VWF: variants seen among roughly 807,000 people sequenced by gnomAD.
VWF encodes the protein Factor VIII related antigen.
VWF carries 176 observed loss-of-function variants against 308.6 expected under a neutral mutation model. That is an observed-to-expected ratio of 0.57 (90% confidence interval 0.50 to 0.65). VWF has a LOEUF of 0.65. VWF is among the 30% of genes least tolerant of loss of function. The pLI, the probability that VWF is intolerant of heterozygous loss-of-function variation, is 0.00. For missense variants in VWF, 3,146 were observed against 3,648.2 expected (o/e 0.86, Z 3.55); for synonymous variants, 1,385 against 1,443.4 (o/e 0.96, Z 0.92).
chr12:6,019,226 C>T lies in VWF; in HGVS notation c.4192G>A (p.Val1398Ile), dbSNP rs1249080969. The change falls in exon 28 of 52, where the codon GTC becomes ATC. Residue 1398 changes from valine (V) to isoleucine (I), a missense_variant. Physicochemically the swap from Val to Ile is conservative, Grantham distance 29. This residue lies in a region of VWF where 853 missense variants were observed against 1,177.8 expected (regional missense o/e 0.72). Transcript: ENST00000261405. This position sits in a 1 kb window ranked among gnomAD's most constrained non-coding sequence, Gnocchi z 5.8. Reference protein sequence around the residue: ...QEPQRMSRNFVRYVQGLKKKK... With the variant: ...QEPQRMSRNFIRYVQGLKKKK... ...TTCTTCAGGCCCTGGACGTAGCGGA[C>T]AAAGTTCCGGGACATCCGTTGGGGC... 6.2e-7 allele frequency: 1 copy of T among 1,613,784 alleles called. No individual in the cohort carries two copies. Among genetic ancestry groups the T allele is most frequent in the Non-Finnish European group, 8.5e-7 (1 of 1,179,866 alleles).
Position 6,034,830 on chromosome 12 carries a change from G to A in VWF, c.2547-4C>T. On this transcript the variant is annotated splice_polypyrimidine_tract_variant and splice_region_variant and intron_variant, in intron 19 of 51. Coordinates refer to ENST00000261405, the MANE Select transcript of VWF (RefSeq NM_000552.5). ...CCACTTCCGGTCCTGACAGACACTA[G>A]GAGCAGTCATGGCAGAGATGACAAG... The A allele has an allele frequency of 2.5e-6, 4 of 1,614,074 alleles. No homozygotes were observed. Among genetic ancestry groups the A allele is most frequent in the Non-Finnish European group, 3.4e-6 (4 of 1,179,906 alleles).
In VWF at chr12:6,095,342, A is replaced by G. The variant is rs1389173840; in HGVS notation, c.657+118T>C. The stretch of plus-strand genomic sequence containing the variant: ...CTAGCCACAGTTAGTTTTGGAGGAA[A>G]TGGCCCTGCGTAAGTCCATTCCTCC... On this transcript the variant is annotated intron_variant, in intron 6 of 51. Transcript: ENST00000261405. 4 of 1,494,920 alleles carry G rather than the reference A, an allele frequency of 2.7e-6. No homozygotes were observed. The South Asian group carries it at 3.4e-5, about 13-fold the overall frequency. 92.6% of individuals were successfully genotyped at this position (1,494,920 alleles called of 1,614,324 possible).
chr12:6,011,866 CA>C (rs1247361284), intron 33 of VWF, 72 bp from the exon 34 acceptor site: 1 of 1,432,160 alleles, frequency 7.0e-7, no homozygotes, highest in Non-Finnish European at 9.8e-7. Context: ...ATCTGCCAGA[CA>C]ACTGACCCCT....
chr12:5,953,142 G>A (rs960614886), intron 48 of VWF, among the ~76,000 whole-genome samples: 2 of 152,140 alleles, frequency 1.3e-5, no homozygotes, highest in South Asian at 2.1e-4. Flanking sequence ...CAGGGAAATC[G>A]CTTGAACCCA....
rs776268929 is a variant in VWF at position 6,021,955 on chromosome 12, C to A, written c.3619G>T (p.Ala1207Ser). ...PVCEVAGRRFASGKKVTLNPS... is the reference protein window; with the variant it reads ...PVCEVAGRRFSSGKKVTLNPS... ...TTCAAGGTGACTTTCTTTCCTGAGG[C>A]AAAACGCCGGCCAGCCACCTCACAC... The change falls in exon 27 of 52, where the codon GCC (alanine) becomes TCC (serine). Residue 1207 changes from alanine (A) to serine (S), a missense_variant. Transcript: ENST00000261405. The A allele has an allele frequency of 2.0e-5, 33 of 1,614,060 alleles. No homozygotes were observed. Among genetic ancestry groups the A allele is most frequent in the Middle Eastern group, 3.3e-4 (2 of 6,084 alleles).
intron 47 of VWF, among the ~76,000 whole-genome samples, chr12:5,954,405 G>A (rs1443086056): frequency 6.6e-6 from 1 of 152,138 alleles, no homozygotes; most frequent in Admixed American, 6.5e-5. Context: ...ACTGGAAGAA[G>A]ACCAAAATCA....
intron 5 of VWF, among the ~76,000 whole-genome samples, chr12:6,107,388 G>C (rs1475723530): frequency 1.3e-5 from 2 of 152,132 alleles, no homozygotes; most frequent in Non-Finnish European, 2.9e-5. Flanking sequence ...TATGTGAAAG[G>C]GTGAATTTTA....
At position 6,046,225 on chromosome 12, in the gene VWF, A is replaced by C. The variant is rs1269164083; in HGVS notation, c.2281+498T>G. ...GGTGACAGAGTGAGACTCTCAAAAA[A>C]AAAAGACAGTGCAGCCACCGTTAGG... On this transcript the variant is annotated intron_variant, in intron 17 of 51. Transcript: ENST00000261405. This position sits in a 1 kb window ranked among gnomAD's most constrained non-coding sequence, Gnocchi z 5.0. Among the ~76,000 whole-genome samples the C allele has an allele frequency of 1.3e-5, 2 of 152,154 alleles. No individual in the cohort carries two copies. The highest frequency in any genetic ancestry group is 2.9e-5 in the Non-Finnish European group (2 of 68,008).
intron 18 of VWF, among the ~76,000 whole-genome samples, chr12:6,042,949 T>G (rs1469316276): frequency 6.6e-6 from 1 of 152,218 alleles, no homozygotes; most frequent in African/African-American, 2.4e-5. Context: ...TGAGACACTC[T>G]ACCTAAGAGG....
intron 26 of VWF, 68 bp from the exon 27 acceptor site, chr12:6,022,103 C>A (rs1392542859): frequency 1.1e-5 from 18 of 1,610,432 alleles, no homozygotes; most frequent in Admixed American, 6.7e-5. Context: ...TCATTTTTAA[C>A]TAAAAGGGAG....
chr12:5,949,202 C>T lies in VWF; in HGVS notation c.8255G>A (p.Gly2752Asp). ...GTACATGGCTTTGCTGGCACATTTG[C>T]CCTGCAAGAAAGCAGAGGAAGATGG... ...EVEVDIHYCQGKCASKAMYSI... is the reference protein window; with the variant it reads ...EVEVDIHYCQDKCASKAMYSI... Residue 2752 changes from glycine (G) to aspartate (D), a missense_variant and splice_region_variant, in exon 52 of 52, where the codon GGC becomes GAC. Transcript: ENST00000261405. 6.2e-7 allele frequency: 1 copy of T among 1,613,714 alleles called. No homozygotes were observed. Among genetic ancestry groups the T allele is most frequent in the Non-Finnish European group, 8.5e-7 (1 of 1,179,992 alleles).
intron 10 of VWF, among the ~76,000 whole-genome samples, chr12:6,068,438 T>A (rs1194374401): frequency 6.6e-6 from 1 of 151,878 alleles, no homozygotes; most frequent in African/African-American, 2.4e-5. Flanking sequence ...CACCAAAGCC[T>A]GCAACATAAT....
In VWF at chr12:5,996,157, C is replaced by T; in HGVS notation, c.5908G>A (p.Gly1970Ser). ...TFDGQNFKLT[G>S]SCSYVLFQNK... ...TGAAATAGGACATAAGAACAGCTGC[C>T]AGTCAGCTTGAAATTCTGCCCATCA... Residue 1970 changes from glycine (G) to serine (S), a missense_variant, in exon 35 of 52, where the codon GGC becomes AGC. Gly to Ser is a moderately conservative substitution (Grantham distance 56). This residue lies in a region of VWF where 989 missense variants were observed against 1,117.4 expected (regional missense o/e 0.89). Coordinates refer to ENST00000261405, the MANE Select transcript of VWF (RefSeq NM_000552.5). 1 of 1,614,054 alleles carries T rather than the reference C, an allele frequency of 6.2e-7. No homozygotes were observed. The highest frequency in any genetic ancestry group is 8.5e-7 in the Non-Finnish European group (1 of 1,180,026).
In VWF at chr12:6,036,394, T is replaced by C. The variant is rs748704250; in HGVS notation, c.2540A>G (p.Asn847Ser). Residue 847 changes from asparagine to serine, a missense_variant, in exon 19 of 52, where the codon AAC becomes AGC. Physicochemically the swap from Asn to Ser is conservative, Grantham distance 46 (BLOSUM62 1). Coordinates refer to ENST00000261405, the MANE Select transcript of VWF (RefSeq NM_000552.5). ...APGETVKIGCNTCVCQDRKWN... is the reference protein window; with the variant it reads ...APGETVKIGCSTCVCQDRKWN... ...GCCCCTCACTGAGCCTCACCAAGTG[T>C]TGCAGCCAATCTTCACTGTTTCTCC... 1.9e-5 allele frequency: 31 copies of C among 1,614,144 alleles called. No homozygotes were observed. In the East Asian group the frequency reaches 6.7e-4, roughly 35 times the overall value.
chr12:6,008,550 A>G (rs991582986), intron 34 of VWF, among the ~76,000 whole-genome samples: 2 of 152,184 alleles, frequency 1.3e-5, no homozygotes, highest in Non-Finnish European at 2.9e-5. Context: ...TAATGAAAAT[A>G]CCACAGCTAA....
intron 11 of VWF, 114 bp from the exon 12 acceptor site, chr12:6,064,498 A>C: frequency 2.0e-6 from 3 of 1,464,384 alleles, no homozygotes; most frequent in Non-Finnish European, 1.9e-6. Flanking sequence ...TGGCCTTCTC[A>C]TAACCTACAA....
intron 5 of VWF, among the ~76,000 whole-genome samples, chr12:6,105,880 C>CA (rs534133042): frequency 0.029 from 3,973 of 139,280 alleles, 156 homozygotes; most frequent in African/African-American, 0.093. Flanking sequence ...ACTAAAAATA[C>CA]AAAAAAAAAA....
intron 6 of VWF, among the ~76,000 whole-genome samples, chr12:6,082,555 C>G (rs1944925158): frequency 6.6e-6 from 1 of 152,208 alleles, no homozygotes; most frequent in African/African-American, 2.4e-5. Flanking sequence ...GAACTGTAAC[C>G]TAACTGGAGA....
chr12:6,072,376 T>G lies in VWF; in HGVS notation c.1064A>C (p.Lys355Thr), dbSNP rs1370050087. The change falls in exon 9 of 52, where the codon AAG (lysine) becomes ACG (threonine). Residue 355 changes from lysine (K) to threonine (T), a missense_variant. Physicochemically the swap from Lys to Thr is moderately conservative, Grantham distance 78 (BLOSUM62 -1). Coordinates refer to ENST00000261405, the MANE Select transcript of VWF (RefSeq NM_000552.5). The part of the protein sequence containing the change: ...STECPCVHSG[K>T]RYPPGTSLSR... ...GAGGGAGGTGCCGGGAGGGTAGCGC[T>G]TTCCGGAATGCACGCAGGGACACTC... The G allele has an allele frequency of 6.2e-7, 1 of 1,613,992 alleles. No homozygotes were observed. The highest frequency in any genetic ancestry group is 1.3e-5 in the African/African-American group (1 of 74,896).
Sources: allele counts gnomAD v4.1 joint callset (sites outside exome capture counted in the v4.1 genomes callset), GRCh38; gene constraint gnomAD v4.1.1; regional missense constraint gnomAD v4.1.1; non-coding constraint Gnocchi (gnomAD v3.1); transcripts MANE v1.5; gene names NCBI Gene and HGNC (gene_info 2026-07-23, HGNC 2026-07-21).